PATJ: variants seen among roughly 807,000 people sequenced by gnomAD.
The protein encoded by PATJ is inaD-like protein.
A neutral mutation model predicts 224.9 loss-of-function variants in PATJ; 190 were observed. The observed-to-expected ratio is 0.84, with a 90% CI of 0.75 to 0.95. The LOEUF (loss-of-function observed/expected upper bound fraction) is 0.95. PATJ is among the 40% of genes least tolerant of loss of function. PATJ has a pLI of 0.00. For synonymous variants in PATJ, 769 were observed against 820.3 expected (o/e 0.94, Z 1.07); for missense variants, 2,121 against 2,270.3 (o/e 0.93, Z 1.34).
intron 14 of PATJ, among the ~76,000 whole-genome samples, chr1:61,815,674 A>G (rs1054384345): frequency 3.9e-5 from 6 of 151,940 alleles, no homozygotes; most frequent in Middle Eastern, 6.8e-3. Flanking sequence ...ACAGAGGGAG[A>G]CCCTGTCTCT....
intron 26 of PATJ, among the ~76,000 whole-genome samples, chr1:61,923,289 A>G (rs1445653744): frequency 6.6e-6 from 1 of 152,176 alleles, no homozygotes; most frequent in Non-Finnish European, 1.5e-5. Context: ...GATGCCAAGC[A>G]TTTTACTACA....
Position 62,017,814 on chromosome 1 carries a change from T to C in PATJ, c.3868-42T>C, listed in dbSNP as rs768132310. On this transcript the variant is annotated intron_variant, in intron 28 of 43. Transcript: ENST00000642238. The stretch of plus-strand genomic sequence containing the variant: ...TTCCAAGTATATACATATATACTTG[T>C]AGACATGTATAATTTAGTACATTGT... 5 of 974,080 alleles carry C rather than the reference T, an allele frequency of 5.1e-6. No individual in the cohort carries two copies. In the South Asian group the frequency reaches 6.6e-5, roughly 13 times the overall value. The allele number at this position is 974,080 out of a possible 1,614,324, so 60.3% of individuals were successfully genotyped here. A position where few individuals can be genotyped will look rare whatever the true frequency, so the allele number is the denominator to read the frequency against.
chr1:62,071,982 T>A (rs1365884354), intron 31 of PATJ, among the ~76,000 whole-genome samples: 2 of 152,142 alleles, frequency 1.3e-5, no homozygotes, highest in African/African-American at 4.8e-5. Flanking sequence ...AACCAGTCTC[T>A]CCTGTTCCCT....
intron 6 of PATJ, 105 bp from the exon 7 acceptor site, chr1:61,775,101 G>A (rs1287567287): frequency 2.4e-5 from 28 of 1,179,408 alleles, no homozygotes; most frequent in East Asian, 2.3e-4. Context: ...TTGCATGAAT[G>A]TTCAATTTGT....
chr1:61,953,756 T>C (rs1465860171), intron 27 of PATJ, among the ~76,000 whole-genome samples: 3 of 152,252 alleles, frequency 2.0e-5, no homozygotes, highest in African/African-American at 4.8e-5. Flanking sequence ...TTATTCATTT[T>C]CCTTTTATTT....
intron 9 of PATJ, among the ~76,000 whole-genome samples, chr1:61,795,120 A>AAAAAAAG (rs1273595195): frequency 1.3e-5 from 2 of 151,248 alleles, no homozygotes; most frequent in African/African-American, 2.4e-5. Context: ...AAAAAAAAAA[A>AAAAAAAG]AAGAAGTTTT....
At chr1:61,980,000 T>G (rs548919452) in intron 27 of PATJ, among the ~76,000 whole-genome samples, 1 of 152,054 alleles carries the variant, frequency 6.6e-6, no homozygotes, top group Non-Finnish European at 1.5e-5. Flanking sequence ...AAATCCTTTT[T>G]AGGTTTTATG....
At chr1:61,915,964 G>A (rs1441149954) in intron 26 of PATJ, among the ~76,000 whole-genome samples, 3 of 151,994 alleles carry the variant, frequency 2.0e-5, no homozygotes, top group Non-Finnish European at 4.4e-5. Flanking sequence ...CAAAGTGCTT[G>A]GATTACAGGC....
At chr1:62,108,805 AT>A (rs200751129) in intron 34 of PATJ, among the ~76,000 whole-genome samples, 2,653 of 152,130 alleles carry the variant, frequency 0.017, 42 homozygotes, top group Non-Finnish European at 0.028. Flanking sequence ...AATATTGCAA[AT>A]TTTTTGCCTC....
intron 28 of PATJ, among the ~76,000 whole-genome samples, chr1:61,992,139 C>T (rs1447663442): frequency 6.6e-5 from 9 of 136,204 alleles, no homozygotes; most frequent in African/African-American, 1.7e-4. Flanking sequence ...TTTTTTGAGA[C>T]GGAGTTTCAC....
rs537748724 is a variant in PATJ, at chr1:62,114,169, G to T, written c.4578G>T (p.Glu1526Asp). ...VYRDEAHYRD[E>D]ENLEIFPVDL... ...GAGATGAGGCACACTACCGGGATGAGGAGAACTTGGAGATTTTCCCTGTGG... is the reference window on the plus strand; with the variant it reads ...GAGATGAGGCACACTACCGGGATGATGAGAACTTGGAGATTTTCCCTGTGG... Residue 1526 changes from glutamate to aspartate, a missense_variant, in exon 35 of 44, where the codon GAG becomes GAT. Transcript: ENST00000642238. 1.8e-5 allele frequency: 29 copies of T among 1,611,436 alleles called. No homozygotes were observed. In the East Asian group the frequency reaches 4.7e-4, roughly 26 times the overall value.
chr1:62,095,919 A>G (rs992227558), intron 33 of PATJ, among the ~76,000 whole-genome samples: 1 of 152,178 alleles, frequency 6.6e-6, no homozygotes, highest in South Asian at 2.1e-4. Flanking sequence ...TTGGTTCATT[A>G]ACATTGAATG....
intron 41 of PATJ, 108 bp from the exon 42 acceptor site, chr1:62,148,176 G>T: frequency 3.5e-6 from 2 of 567,260 alleles, no homozygotes; most frequent in South Asian, 1.9e-5. Context: ...AAATGGTCTA[G>T]ATAAATTGAA....
At chr1:62,127,398 C>T (rs1010109705) in intron 39 of PATJ, among the ~76,000 whole-genome samples, 1 of 147,406 alleles carries the variant, frequency 6.8e-6, no homozygotes, top group East Asian at 2.0e-4. Flanking sequence ...ATAGCCTTTC[C>T]GGGCTCTATT....
In PATJ at chr1:61,901,302, C is replaced by G. The variant is rs747540349; in HGVS notation, c.3224C>G (p.Pro1075Arg). Residue 1075 changes from proline (P) to arginine (R), a missense_variant, in exon 24 of 44, where the codon CCC becomes CGC. Coordinates refer to ENST00000642238, the MANE Select transcript of PATJ (RefSeq NM_001350145.3). ...PPRIVEIFRE[P>R]NVSLGISIVG... ...TATAGTGTTGAGATTTTTAGAGAAC[C>G]CAATGTGTCTCTTGGGATCAGTATT... 3.9e-6 allele frequency: 6 copies of G among 1,532,382 alleles called. No homozygotes were observed. The South Asian group carries it at 7.7e-5, about 20-fold the overall frequency. 94.9% of individuals were successfully genotyped at this position (1,532,382 alleles called of 1,614,324 possible).
intron 17 of PATJ, among the ~76,000 whole-genome samples, chr1:61,836,217 A>G (rs1439577985): frequency 6.6e-6 from 1 of 152,172 alleles, no homozygotes; most frequent in African/African-American, 2.4e-5. Flanking sequence ...GCATTCCTGT[A>G]GGTATGTATT....
At chr1:62,008,977 A>T (rs1646266659) in intron 28 of PATJ, among the ~76,000 whole-genome samples, 1 of 152,202 alleles carries the variant, frequency 6.6e-6, no homozygotes, top group South Asian at 2.1e-4. Context: ...TACATAATTT[A>T]TTATTCTTCC....
chr1:61,984,362 ACTGGCCAGG>A (rs1460846322), intron 27 of PATJ, among the ~76,000 whole-genome samples: 4 of 151,402 alleles, frequency 2.6e-5, no homozygotes, highest in Non-Finnish European at 5.9e-5. Context: ...GTTTCACTAT[ACTGGCCAGG>A]CTGGTCTCGA....
chr1:62,025,401 A>G (rs1011121620), intron 29 of PATJ, among the ~76,000 whole-genome samples: 18 of 152,190 alleles, frequency 1.2e-4, no homozygotes, highest in African/African-American at 4.1e-4. Context: ...GAGGGTGAGG[A>G]TCCCAGCACA....
Sources: allele counts gnomAD v4.1 joint callset (sites outside exome capture counted in the v4.1 genomes callset), GRCh38; gene constraint gnomAD v4.1.1; transcripts MANE v1.5; gene names NCBI Gene and HGNC (gene_info 2026-07-23, HGNC 2026-07-21).